The following LRSAM1 variants were observed in gnomAD, a reference collection of about 807,000 sequenced individuals.
LRSAM1 encodes the protein leucine rich repeat and sterile alpha motif containing 1.
LRSAM1 carries 96 observed loss-of-function variants against 118.1 expected under a neutral mutation model. The ratio of observed to expected loss-of-function variants is 0.81; its 90% CI spans 0.69 to 0.96. LRSAM1 has a LOEUF of 0.96. LRSAM1 is among the 40% of genes least tolerant of loss of function. The pLI, the probability that LRSAM1 is intolerant of heterozygous loss-of-function variation, is 0.00. For synonymous variants in LRSAM1, 322 were observed against 364.2 expected, an observed-to-expected ratio of 0.88 and a Z score of 1.32; for missense variants, 804 against 915.5, an observed-to-expected ratio of 0.88 and a Z score of 1.57.
intron 15 of LRSAM1, among the ~76,000 whole-genome samples, chr9:127,482,296 C>A (rs1396845251): frequency 2.0e-5 from 3 of 152,048 alleles, no homozygotes; most frequent in Non-Finnish European, 2.9e-5. Flanking sequence ...GCGCATACCA[C>A]CAGGTCCGGC....
chr9:127,489,552 C>T, intron 19 of LRSAM1, 34 bp downstream of exon 19: 1 of 1,578,656 alleles, frequency 6.3e-7, no homozygotes, highest in African/African-American at 1.4e-5. Context: ...TGGACCTGCT[C>T]TCTCAGAGAC....
chr9:127,483,958 G>C (rs1042553136), intron 16 of LRSAM1, among the ~76,000 whole-genome samples: 1 of 152,102 alleles, frequency 6.6e-6, no homozygotes, highest in Admixed American at 6.6e-5. Context: ...CACCGTGCCT[G>C]GTCTTCATTT....
At position 127,473,908 on chromosome 9, in the gene LRSAM1, T is replaced by C. The variant is rs768889482; in HGVS notation, c.727T>C (p.Ser243Pro). The C allele has an allele frequency of 6.2e-7, 1 of 1,614,196 alleles. No homozygotes were observed. Among genetic ancestry groups the C allele is most frequent in the Middle Eastern group, 1.6e-4 (1 of 6,062 alleles). Residue 243 changes from serine to proline, a missense_variant, in exon 11 of 26, where the codon TCA becomes CCA. Ser to Pro is a moderately conservative substitution (Grantham distance 74). Transcript: ENST00000300417. The part of the protein sequence containing the change: ...DSPDGPTDRF[S>P]REELEWQNRF... ...CCCTGATGGGCCCACGGACAGATTC[T>C]CAAGGGAGGAGTTAGAGTGGCAGGT... is the stretch of plus-strand genomic sequence containing the variant.
intron 15 of LRSAM1, 62 bp from the exon 16 acceptor site, chr9:127,482,888 C>T: frequency 6.7e-7 from 1 of 1,483,114 alleles, no homozygotes; most frequent in Non-Finnish European, 9.2e-7. Flanking sequence ...TGGTGTTCAT[C>T]TGCTGGGATT....
At chr9:127,466,641 C>T (rs1023437294) in intron 9 of LRSAM1, among the ~76,000 whole-genome samples, 1 of 150,272 alleles carries the variant, frequency 6.7e-6, no homozygotes, top group Non-Finnish European at 1.5e-5. Flanking sequence ...GCATGAGCCA[C>T]CACACCCAGC....
chr9:127,466,178 G>T (rs907461935), intron 9 of LRSAM1, among the ~76,000 whole-genome samples: 3 of 151,712 alleles, frequency 2.0e-5, no homozygotes, highest in African/African-American at 4.8e-5. Context: ...GTGTGGTGGC[G>T]CATGCCTATA....
Position 127,454,710 on chromosome 9 carries a change from C to G in LRSAM1, c.72+111C>G, listed in dbSNP as rs75663017. The G allele has an allele frequency of 7.5e-4, 861 of 1,155,092 alleles. 4 individuals are homozygous for G. Among genetic ancestry groups the G allele is most frequent in the Middle Eastern group, 5.8e-3 (21 of 3,650 alleles). 71.6% of individuals were successfully genotyped at this position (1,155,092 alleles called of 1,614,324 possible). A position where few individuals can be genotyped will look rare whatever the true frequency, so the allele number is the denominator to read the frequency against. On this transcript the variant is annotated intron_variant, in intron 3 of 25. Transcript: ENST00000300417. Reference sequence around the variant, plus strand: ...CGTGCTCCTTCCCATCTGCCTCCCCCACCCACAGAAGAAATATTTGACTTA... The same window carrying G: ...CGTGCTCCTTCCCATCTGCCTCCCCGACCCACAGAAGAAATATTTGACTTA...
chr9:127,473,779 G>T, intron 10 of LRSAM1, 22 bp from the exon 11 acceptor site: 1 of 1,614,082 alleles, frequency 6.2e-7, no homozygotes, highest in Non-Finnish European at 8.5e-7. Flanking sequence ...CTCCTGGTCA[G>T]CTTGTGTCCC....
In LRSAM1 at chr9:127,478,831, C is replaced by A. The variant is rs894214726; in HGVS notation, c.751-103C>A. On this transcript the variant is annotated intron_variant, in intron 11 of 25. Transcript: ENST00000300417. Reference sequence around the variant, plus strand: ...TCTGAGGCAGTGGTCTGGGGTGGGCCAGAGTTTGTATAACATCAGGCCACC... The same window carrying A: ...TCTGAGGCAGTGGTCTGGGGTGGGCAAGAGTTTGTATAACATCAGGCCACC... 4 of 1,154,122 alleles carry A rather than the reference C, an allele frequency of 3.5e-6. No homozygotes were observed. In the Admixed American group the frequency reaches 6.8e-5, roughly 20 times the overall value. 71.5% of individuals were successfully genotyped at this position (1,154,122 alleles called of 1,614,324 possible).
intron 10 of LRSAM1, among the ~76,000 whole-genome samples, chr9:127,469,620 G>GAAA (rs11462415): frequency 6.8e-6 from 1 of 147,412 alleles, no homozygotes; most frequent in Non-Finnish European, 1.5e-5. Context: ...CTTTTCAATG[G>GAAA]AAAAAAAAAA....
In LRSAM1 at chr9:127,455,382, A is replaced by G. The variant is rs545553301; in HGVS notation, c.130-194A>G. ...GGGCAGGGCAGTCTCCTGCCAGCTG[A>G]CCGAGGGAAGGGCTGGCCACATCCC... On this transcript the variant is annotated intron_variant, in intron 4 of 25. Transcript: ENST00000300417. 2.9e-4 allele frequency among the ~76,000 whole-genome samples: 44 copies of G among 152,310 alleles called. No individual in the cohort carries two copies. In the East Asian group the frequency reaches 7.3e-3, roughly 25 times the overall value.
intron 10 of LRSAM1, among the ~76,000 whole-genome samples, chr9:127,472,217 C>T (rs1835197793): frequency 6.6e-6 from 1 of 151,906 alleles, no homozygotes; most frequent in Non-Finnish European, 1.5e-5. Context: ...GCCTCAGCCT[C>T]CCAAAATGCT....
At position 127,473,784 on chromosome 9, in the gene LRSAM1, T is replaced by C; in HGVS notation, c.620-17T>C. ...TGTCTCCTCCCTCCTGGTCAGCTTG[T>C]GTCCCGTCTCTTACAGAGTCAGGGC... On this transcript the variant is annotated splice_polypyrimidine_tract_variant and intron_variant, in intron 10 of 25. Transcript: ENST00000300417. 3 of 1,614,142 alleles carry C rather than the reference T, an allele frequency of 1.9e-6. No homozygotes were observed. Among genetic ancestry groups the C allele is most frequent in the African/African-American group, 1.3e-5 (1 of 75,074 alleles).
intron 11 of LRSAM1, among the ~76,000 whole-genome samples, chr9:127,476,261 A>G (rs2249940): frequency 0.64 from 97,758 of 152,086 alleles, 31,708 homozygotes; most frequent in Middle Eastern, 0.66. Context: ...TCGCTGGGAC[A>G]CATGGATTAG....
intron 11 of LRSAM1, among the ~76,000 whole-genome samples, chr9:127,476,287 G>T (rs1418573047): frequency 6.6e-6 from 1 of 152,182 alleles, no homozygotes; most frequent in African/African-American, 2.4e-5. Context: ...AGGGCAGATT[G>T]CAGAACAGGA....
intron 25 of LRSAM1, 31 bp downstream of exon 25, chr9:127,501,174 C>A: frequency 6.2e-7 from 1 of 1,609,018 alleles, no homozygotes; most frequent in Non-Finnish European, 8.5e-7. Flanking sequence ...ACCCGCCTGC[C>A]CTGCCTGTGG....
intron 23 of LRSAM1, 71 bp from the exon 24 acceptor site, chr9:127,497,182 T>G: frequency 6.7e-7 from 1 of 1,493,400 alleles, no homozygotes; most frequent in Non-Finnish European, 9.3e-7. Context: ...CCTGGGCCTG[T>G]GCCACGTGGC....
chr9:127,458,967 C>A (rs769884345), intron 6 of LRSAM1, 36 bp from the exon 7 acceptor site: 20 of 1,610,980 alleles, frequency 1.2e-5, no homozygotes, highest in Middle Eastern at 3.3e-4. Flanking sequence ...GAGGGACTTT[C>A]TCACTTGGAG....
chr9:127,455,203 A>G (rs923829746), intron 4 of LRSAM1, 149 bp downstream of exon 4: 7 of 886,720 alleles, frequency 7.9e-6, no homozygotes, highest in South Asian at 4.0e-5. Flanking sequence ...TTCTCGTCCA[A>G]AATAATTGAA....
Sources: gnomAD v4.1 joint callset for allele counts (sites outside exome capture counted in the v4.1 genomes callset) on GRCh38, gnomAD v4.1.1 for gene constraint, MANE v1.5 for transcripts, NCBI Gene and HGNC (gene_info 2026-07-23, HGNC 2026-07-21) for gene names.